Variants in NUMB observed in about 807,000 individuals in gnomAD.
The protein encoded by NUMB is protein numb homolog.
A neutral mutation model predicts 59.7 loss-of-function variants in NUMB; 29 were observed. The ratio of observed to expected loss-of-function variants is 0.49; its 90% CI spans 0.36 to 0.66. The LOEUF is 0.66. Among genes scored for constraint, NUMB ranks in the 30% least tolerant of loss-of-function variants. NUMB has a pLI of 0.00. For missense variants in NUMB, 723 were observed against 822.0 expected, an observed-to-expected ratio of 0.88 and a Z score of 1.47; for synonymous variants, 288 against 288.2, an observed-to-expected ratio of 1.00 and a Z score of 0.01.
At chr14:73,424,138 G>A (rs1897481330) in intron 1 of NUMB, among the ~76,000 whole-genome samples, 1 of 151,870 alleles carries the variant, frequency 6.6e-6, no homozygotes, top group South Asian at 2.1e-4. Flanking sequence ...TCTATATATA[G>A]AATCTCACTC....
intron 4 of NUMB, among the ~76,000 whole-genome samples, chr14:73,323,899 G>A (rs904081153): frequency 2.6e-5 from 4 of 152,292 alleles, no homozygotes; most frequent in Middle Eastern, 3.4e-3. Context: ...CTCAGAACAC[G>A]TTACCCCAAA....
chr14:73,288,414 G>A (rs1046228329), intron 8 of NUMB, among the ~76,000 whole-genome samples: 2 of 152,120 alleles, frequency 1.3e-5, no homozygotes, highest in East Asian at 3.9e-4. Flanking sequence ...AGCCGGATGT[G>A]GTGGCGGGTG....
chr14:73,311,290 G>C (rs1031451845), intron 6 of NUMB, among the ~76,000 whole-genome samples: 2 of 152,090 alleles, frequency 1.3e-5, no homozygotes, highest in South Asian at 4.1e-4. Flanking sequence ...TCCTGACCTC[G>C]TGATCCACCT....
chr14:73,289,620 T>C (rs562130432), intron 8 of NUMB, among the ~76,000 whole-genome samples: 1 of 152,358 alleles, frequency 6.6e-6, no homozygotes, highest in African/African-American at 2.4e-5. Flanking sequence ...TTTAAAATGC[T>C]TTATGTCCCT....
chr14:73,361,640 T>G (rs1266120381), intron 3 of NUMB, among the ~76,000 whole-genome samples: 1 of 152,134 alleles, frequency 6.6e-6, no homozygotes, highest in African/African-American at 2.4e-5. Flanking sequence ...TAGACCCCTG[T>G]GTCTGTTGTT....
At chr14:73,357,890 C>CCA (rs1555374391) in intron 3 of NUMB, among the ~76,000 whole-genome samples, 79 of 140,626 alleles carry the variant, frequency 5.6e-4, no homozygotes, top group East Asian at 2.1e-3. Context: ...AGGCCCCCCC[C>CCA]AAAAAAAAAA....
intron 9 of NUMB, 72 bp from the exon 10 acceptor site, chr14:73,284,446 T>G: frequency 2.3e-6 from 3 of 1,312,540 alleles, no homozygotes; most frequent in Non-Finnish European, 3.2e-6. Context: ...GCTGACAAAT[T>G]CGAAAGCCCT....
chr14:73,401,280 T>C (rs1007428433), intron 2 of NUMB, among the ~76,000 whole-genome samples: 3 of 152,136 alleles, frequency 2.0e-5, no homozygotes, highest in Non-Finnish European at 4.4e-5. Flanking sequence ...GTAAGGAATG[T>C]TGACAGTAAG....
At chr14:73,323,611 T>C (rs766808147) in intron 4 of NUMB, among the ~76,000 whole-genome samples, 2 of 152,212 alleles carry the variant, frequency 1.3e-5, no homozygotes, top group African/African-American at 2.4e-5. Context: ...CACATAAAAG[T>C]AATCCTAAGA....
intron 4 of NUMB, among the ~76,000 whole-genome samples, chr14:73,333,921 G>A (rs1273185154): frequency 1.3e-5 from 2 of 151,318 alleles, no homozygotes; most frequent in African/African-American, 4.9e-5. Flanking sequence ...CTGGAGTGCA[G>A]TGGCGCGATC....
intron 4 of NUMB, among the ~76,000 whole-genome samples, chr14:73,332,925 C>T (rs1420021353): frequency 6.6e-6 from 1 of 152,082 alleles, no homozygotes; most frequent in Admixed American, 6.5e-5. Context: ...CACACCATAG[C>T]ATACATGTAT....
chr14:73,350,492 C>T (rs1336596065), intron 4 of NUMB, among the ~76,000 whole-genome samples: 4 of 151,462 alleles, frequency 2.6e-5, no homozygotes, highest in Non-Finnish European at 4.4e-5. Flanking sequence ...TTTAATACTA[C>T]TCTTTTTCAT....
chr14:73,387,115 C>T (rs970279837), intron 2 of NUMB, among the ~76,000 whole-genome samples: 1 of 151,610 alleles, frequency 6.6e-6, no homozygotes, highest in African/African-American at 2.4e-5. Context: ...ATCTCCTGAC[C>T]TCGTGATCCG....
At chr14:73,358,072 C>T (rs1361429943) in intron 3 of NUMB, among the ~76,000 whole-genome samples, 1 of 152,112 alleles carries the variant, frequency 6.6e-6, no homozygotes, top group African/African-American at 2.4e-5. Context: ...ACTGATTTTA[C>T]CTCCTTAGTA....
At chr14:73,347,750 T>G (rs908202801) in intron 4 of NUMB, among the ~76,000 whole-genome samples, 13 of 152,188 alleles carry the variant, frequency 8.5e-5, no homozygotes, top group Non-Finnish European at 1.5e-4. Context: ...ACTCTCACTC[T>G]CCTTTGAACA....
At chr14:73,398,686 T>C (rs1426967250) in intron 2 of NUMB, among the ~76,000 whole-genome samples, 1 of 151,834 alleles carries the variant, frequency 6.6e-6, no homozygotes, top group African/African-American at 2.4e-5. Context: ...ATTAAAACAA[T>C]ATACTTCTTT....
Position 73,275,764 on chromosome 14 carries a change from C to CA in NUMB, c.*813dup, listed in dbSNP as rs1237197612. 11 of 152,574 alleles carry CA rather than the reference C, an allele frequency of 7.2e-5. No homozygotes were observed. The highest frequency in any genetic ancestry group is 1.0e-4 in the Non-Finnish European group (7 of 68,034). 9.5% of individuals were successfully genotyped at this position (152,574 alleles called of 1,614,324 possible). On this transcript the variant is annotated 3_prime_UTR_variant, in exon 13 of 13. Transcript: ENST00000555238. ...TTGGTCATAAGCATGATTGTTGTTGCAATGTGCTACTTACAATGAATGACT... is the reference window on the plus strand; with the variant it reads ...TTGGTCATAAGCATGATTGTTGTTGCAAATGTGCTACTTACAATGAATGACT...
chr14:73,405,443 T>C (rs1896613674), intron 2 of NUMB, among the ~76,000 whole-genome samples: 2 of 89,632 alleles, frequency 2.2e-5, no homozygotes, highest in East Asian at 1.9e-3. Context: ...CTCTTTTTTT[T>C]TTTTTTTTTT....
chr14:73,310,989 C>T (rs1890749697), intron 6 of NUMB, among the ~76,000 whole-genome samples: 1 of 152,116 alleles, frequency 6.6e-6, no homozygotes. Flanking sequence ...AATGAAGCTG[C>T]ATGTAATAAT....
Sources: gnomAD v4.1 joint callset for allele counts (sites outside exome capture counted in the v4.1 genomes callset) on GRCh38, gnomAD v4.1.1 for gene constraint, MANE v1.5 for transcripts, NCBI Gene and HGNC (gene_info 2026-07-23, HGNC 2026-07-21) for gene names.